Variants in NKAIN3 observed in about 807,000 individuals in gnomAD.
NKAIN3 encodes the protein sodium/potassium-transporting ATPase subunit beta-1-interacting protein 3.
Under a neutral mutation model 30.2 loss-of-function variants are expected in NKAIN3, and 25 were observed. The observed-to-expected ratio is 0.83, with a 90% confidence interval of 0.60 to 1.16. NKAIN3 has a LOEUF of 1.16. Among genes scored for constraint, NKAIN3 ranks in the 50% most tolerant of loss-of-function variants. The pLI is 0.00. For missense variants in NKAIN3, 225 were observed against 254.1 expected (o/e 0.89, Z 0.78); for synonymous variants, 91 against 89.6 (o/e 1.02, Z -0.09).
chr8:62,824,581 T>C (rs981783285), intron 4 of NKAIN3, among the ~76,000 whole-genome samples: 2 of 151,680 alleles, frequency 1.3e-5, no homozygotes, highest in African/African-American at 4.9e-5. Context: ...GCTTTGGAAA[T>C]GCAAAGGAGA....
chr8:62,603,466 C>T (rs888222219), intron 3 of NKAIN3, among the ~76,000 whole-genome samples: 1 of 152,030 alleles, frequency 6.6e-6, no homozygotes, highest in Non-Finnish European at 1.5e-5. Context: ...GCTACTCCCA[C>T]GTATGTTACA....
At chr8:62,389,533 T>C (rs1049019634) in intron 1 of NKAIN3, among the ~76,000 whole-genome samples, 1 of 152,204 alleles carries the variant, frequency 6.6e-6, no homozygotes, top group Non-Finnish European at 1.5e-5. Context: ...TCCTGCTTTT[T>C]AGGGTACAGA....
At chr8:62,544,051 G>C (rs111706782) in intron 1 of NKAIN3, among the ~76,000 whole-genome samples, 5 of 152,062 alleles carry the variant, frequency 3.3e-5, no homozygotes, top group African/African-American at 1.2e-4. Context: ...ACCCAGGCTG[G>C]AGTACAGTGG....
intron 2 of NKAIN3, among the ~76,000 whole-genome samples, chr8:62,582,518 G>C (rs1282647760): frequency 5.9e-5 from 9 of 152,256 alleles, no homozygotes; most frequent in Admixed American, 5.2e-4. Context: ...GGAGCTGAGA[G>C]CTGAGGTCTG....
At chr8:62,859,406 C>A (rs887767286) in intron 4 of NKAIN3, among the ~76,000 whole-genome samples, 1 of 150,638 alleles carries the variant, frequency 6.6e-6, no homozygotes, top group Non-Finnish European at 1.5e-5. Context: ...CCACCACAAC[C>A]TTAGGCCAAG....
chr8:62,514,143 T>A (rs1364829254), intron 1 of NKAIN3, among the ~76,000 whole-genome samples: 1 of 152,156 alleles, frequency 6.6e-6, no homozygotes, highest in Non-Finnish European at 1.5e-5. Flanking sequence ...TTACTCTCAT[T>A]GTTTGAAAAA....
chr8:62,599,366 A>G (rs1007327492), intron 3 of NKAIN3, among the ~76,000 whole-genome samples: 3 of 152,030 alleles, frequency 2.0e-5, no homozygotes, highest in East Asian at 3.9e-4. Context: ...GTGTCTGTCT[A>G]TACTTGGGTA....
chr8:62,655,755 G>T (rs909193996), intron 3 of NKAIN3, among the ~76,000 whole-genome samples: 3 of 152,054 alleles, frequency 2.0e-5, no homozygotes, highest in African/African-American at 7.2e-5. Flanking sequence ...GGATATACAG[G>T]TTTGGAATTC....
At chr8:62,796,817 A>ACAG (rs1554578657) in intron 4 of NKAIN3, among the ~76,000 whole-genome samples, 1 of 41,346 alleles carries the variant, frequency 2.4e-5, no homozygotes, top group African/African-American at 5.5e-5. Flanking sequence ...CACACACACA[A>ACAG]ATACTCATGA....
At chr8:62,313,950 G>A (rs1302035052) in intron 1 of NKAIN3, among the ~76,000 whole-genome samples, 2 of 152,010 alleles carry the variant, frequency 1.3e-5, no homozygotes, top group East Asian at 3.9e-4. Flanking sequence ...GTCACAGAGA[G>A]GAACACAAAA....
intron 4 of NKAIN3, among the ~76,000 whole-genome samples, chr8:62,862,313 T>C (rs1820272628): frequency 6.6e-6 from 1 of 151,344 alleles, no homozygotes; most frequent in African/African-American, 2.4e-5. Flanking sequence ...AAAAAGAAAA[T>C]ATGGAATCAA....
chr8:62,595,033 T>G (rs1233201508), intron 3 of NKAIN3, among the ~76,000 whole-genome samples: 3 of 152,156 alleles, frequency 2.0e-5, no homozygotes, highest in African/African-American at 7.2e-5. Flanking sequence ...TTTATTCTCA[T>G]TCTGCTGTGT....
intron 1 of NKAIN3, among the ~76,000 whole-genome samples, chr8:62,504,705 G>T (rs1807576304): frequency 6.6e-6 from 1 of 152,068 alleles, no homozygotes; most frequent in African/African-American, 2.4e-5. Flanking sequence ...CAATACTCAG[G>T]TTATTCTTCT....
intron 4 of NKAIN3, among the ~76,000 whole-genome samples, chr8:62,841,464 C>G (rs1819529706): frequency 6.6e-6 from 1 of 152,058 alleles, no homozygotes; most frequent in South Asian, 2.1e-4. Flanking sequence ...CACATTCTCT[C>G]ACTCCTCCCC....
intron 1 of NKAIN3, among the ~76,000 whole-genome samples, chr8:62,363,845 AAGAT>A (rs10593166): frequency 0.37 from 55,750 of 151,756 alleles, 10,991 homozygotes; most frequent in African/African-American, 0.51. Context: ...TTGAAAGAAA[AAGAT>A]AGTTTCTATT....
At chr8:62,877,790 C>T (rs1820844209) in intron 4 of NKAIN3, among the ~76,000 whole-genome samples, 1 of 152,106 alleles carries the variant, frequency 6.6e-6, no homozygotes, top group Non-Finnish European at 1.5e-5. Flanking sequence ...CCTGTAATCC[C>T]AGCACTTTGG....
intron 1 of NKAIN3, among the ~76,000 whole-genome samples, chr8:62,274,840 G>T (rs914331929): frequency 2.0e-5 from 3 of 149,358 alleles, no homozygotes; most frequent in African/African-American, 7.4e-5. Flanking sequence ...GTGAGAACAT[G>T]CAGTGTTTGG....
chr8:62,388,728 A>G (rs529923458), intron 1 of NKAIN3, among the ~76,000 whole-genome samples: 13 of 152,168 alleles, frequency 8.5e-5, no homozygotes, highest in Non-Finnish European at 1.3e-4. Context: ...TCTAATTACT[A>G]TGTCTTCAAA....
intron 4 of NKAIN3, chr8:62,863,748 C>T: frequency 6.2e-7 from 1 of 1,602,826 alleles, no homozygotes; most frequent in Non-Finnish European, 8.5e-7. Context: ...AATCTTTTCC[C>T]CTACATATCC....
Sources: gnomAD v4.1 joint callset for allele counts (sites outside exome capture counted in the v4.1 genomes callset) on GRCh38, gnomAD v4.1.1 for gene constraint, MANE v1.5 for transcripts, NCBI Gene and HGNC (gene_info 2026-07-23, HGNC 2026-07-21) for gene names.